The following TBL1X variants were observed in gnomAD, a reference collection of about 807,000 sequenced individuals.
TBL1X encodes the protein transducin beta like 1 X-linked, also known as F-box-like/WD repeat-containing protein TBL1X.
Under a neutral mutation model 50.7 loss-of-function variants are expected in TBL1X, and 10 were observed. The ratio of observed to expected loss-of-function variants is 0.20; its 90% CI spans 0.12 to 0.33. The LOEUF is 0.33. TBL1X is among the 10% of genes least tolerant of loss of function. TBL1X has a pLI of 1.00. For missense variants in TBL1X, 340 were observed against 504.4 expected, an observed-to-expected ratio of 0.67 and a Z score of 3.12; for synonymous variants, 190 against 214.7, an observed-to-expected ratio of 0.88 and a Z score of 1.01.
chrX:9,575,161 T>C (rs1263988806), intron 2 of TBL1X, among the ~76,000 whole-genome samples: 1 of 108,979 alleles, frequency 9.2e-6, no homozygotes, highest in Non-Finnish European at 1.9e-5. Context: ...GGAGAGAGAG[T>C]GAGAGGGGAA....
At chrX:9,707,283 A>G (rs2083214350) in intron 13 of TBL1X, among the ~76,000 whole-genome samples, 1 of 111,510 alleles carries the variant, frequency 9.0e-6, no homozygotes, top group Admixed American at 9.5e-5. Context: ...CTTTTAGAGC[A>G]CAGGCACCTA....
chrX:9,550,212 G>C (rs1167330082), intron 2 of TBL1X, among the ~76,000 whole-genome samples: 2 of 107,701 alleles, frequency 1.9e-5, no homozygotes, highest in Admixed American at 9.7e-5. Context: ...GGGGGTGTAG[G>C]GGGTGGGGAG....
chrX:9,647,380 T>C (rs1338328900), intron 3 of TBL1X, among the ~76,000 whole-genome samples: 1 of 112,302 alleles, frequency 8.9e-6, no homozygotes, highest in Non-Finnish European at 1.9e-5. Context: ...TGTTGTGGCT[T>C]TAACCCAAAG....
intron 2 of TBL1X, among the ~76,000 whole-genome samples, chrX:9,544,801 G>A (rs2082233449): frequency 9.1e-6 from 1 of 110,311 alleles, no homozygotes; most frequent in Admixed American, 9.7e-5. Context: ...CTTGACCTCA[G>A]GTGATCCACC....
intron 2 of TBL1X, among the ~76,000 whole-genome samples, chrX:9,609,486 G>A (rs922094036): frequency 2.7e-5 from 3 of 109,170 alleles, no homozygotes; most frequent in East Asian, 2.9e-4. Context: ...CCTTCTCCAG[G>A]AAGCATTTGA....
At chrX:9,671,784 C>G in intron 5 of TBL1X, among the ~76,000 whole-genome samples, 1 of 112,258 alleles carries the variant, frequency 8.9e-6, no homozygotes, top group South Asian at 3.7e-4. Flanking sequence ...AATTACCAAC[C>G]CTCTCATAAC....
chrX:9,544,775 A>G (rs1031692041), intron 2 of TBL1X, among the ~76,000 whole-genome samples: 3 of 109,894 alleles, frequency 2.7e-5, no homozygotes, highest in Non-Finnish European at 5.7e-5. Context: ...CGTGTTGGTC[A>G]GGCTGGTCTT....
rs753211315 is a variant in TBL1X at position 9,506,699 on chromosome X, A to C, written c.-131+4850A>C. Among the ~76,000 whole-genome samples the C allele has an allele frequency of 2.2e-4, 25 of 112,080 alleles. No homozygotes were observed. The Admixed American group carries it at 2.3e-3, about 10-fold the overall frequency. ...TTAGAAAATCTAGAAGAAATGAATA[A>C]ATTCCTGCACGCATACACCCTACCA... On this transcript the variant is annotated intron_variant, in intron 2 of 17. Transcript: ENST00000645353.
intron 12 of TBL1X, among the ~76,000 whole-genome samples, chrX:9,697,744 C>T (rs989930417): frequency 1.8e-5 from 2 of 111,420 alleles, no homozygotes; most frequent in Non-Finnish European, 1.9e-5. Flanking sequence ...GCACTCCATC[C>T]TGGGCGACAG....
At chrX:9,491,330 ATATATATATTTTT>A (rs1260393082) in intron 1 of TBL1X, among the ~76,000 whole-genome samples, 3 of 22,733 alleles carry the variant, frequency 1.3e-4, no homozygotes, top group South Asian at 1.4e-3. Flanking sequence ...ATATATATAT[ATATATATATTTTT>A]TTTTTTTTTT....
intron 2 of TBL1X, among the ~76,000 whole-genome samples, chrX:9,550,284 T>C (rs1453121074): frequency 8.9e-6 from 1 of 111,932 alleles, no homozygotes; most frequent in African/African-American, 3.3e-5. Context: ...AAGGATAAAA[T>C]AAGAGCTTTA....
chrX:9,483,673 C>G (rs749465190), intron 1 of TBL1X, among the ~76,000 whole-genome samples: 8 of 111,641 alleles, frequency 7.2e-5, no homozygotes, highest in African/African-American at 2.6e-4. Context: ...GTGCTCTGAA[C>G]AAACTCCTAT....
intron 6 of TBL1X, among the ~76,000 whole-genome samples, chrX:9,684,401 A>G (rs769310429): frequency 9.1e-6 from 1 of 109,870 alleles, no homozygotes; most frequent in South Asian, 4.0e-4. Context: ...CCTGGACAAC[A>G]TGGTGTAACA....
intron 2 of TBL1X, among the ~76,000 whole-genome samples, chrX:9,618,450 T>A: frequency 9.0e-6 from 1 of 111,490 alleles, no homozygotes; most frequent in Non-Finnish European, 1.9e-5. Context: ...CCGAGACGGG[T>A]GGATCACATG....
At chrX:9,543,825 C>T (rs2082227626) in intron 2 of TBL1X, among the ~76,000 whole-genome samples, 1 of 111,840 alleles carries the variant, frequency 8.9e-6, no homozygotes, top group Non-Finnish European at 1.9e-5. Flanking sequence ...CCCCTTAACG[C>T]AGCCAAGAAA....
rs1202656073 is a variant in TBL1X, at chrX:9,719,020, C to A, written c.*2774C>A. 8.9e-6 allele frequency: 1 copy of A among 112,604 alleles called. No individual in the cohort carries two copies. The highest frequency in any genetic ancestry group is 1.9e-5 in the Non-Finnish European group (1 of 53,305). The allele number at this position is 112,604 out of a possible 1,213,427, so 9.3% of individuals were successfully genotyped here. ...GCTGCTGGCATGTTGGTAGAGTCAT[C>A]CCTGTAATCAAGAAATGGCCTGTGG... On this transcript the variant is annotated 3_prime_UTR_variant, in exon 18 of 18. Transcript: ENST00000645353.
intron 1 of TBL1X, among the ~76,000 whole-genome samples, chrX:9,501,399 G>T (rs1163717937): frequency 2.7e-5 from 3 of 112,171 alleles, no homozygotes; most frequent in African/African-American, 9.7e-5. Flanking sequence ...AGCACCTTGT[G>T]GCACGGGGCT....
In TBL1X at chrX:9,682,591, C is replaced by T. The variant is rs2083031880; in HGVS notation, c.212-1452C>T. On this transcript the variant is annotated intron_variant, in intron 5 of 17. Transcript: ENST00000645353. ...GAGAGCACAGCGCAGAGCTCGTCTC[C>T]TGGAGGAACATTCCCATCTGGTGAG... is the stretch of plus-strand genomic sequence containing the variant. 2.7e-5 allele frequency among the ~76,000 whole-genome samples: 3 copies of T among 111,943 alleles called. No homozygotes were observed. The South Asian group carries it at 1.1e-3, about 42-fold the overall frequency.
intron 12 of TBL1X, among the ~76,000 whole-genome samples, chrX:9,698,509 T>C (rs1240830564): frequency 8.9e-6 from 1 of 112,065 alleles, no homozygotes; most frequent in Non-Finnish European, 1.9e-5. Flanking sequence ...AGGAATAAGT[T>C]GTAACTATGC....
Sources: allele counts gnomAD v4.1 joint callset (sites outside exome capture counted in the v4.1 genomes callset), GRCh38; gene constraint gnomAD v4.1.1; transcripts MANE v1.5; gene names NCBI Gene and HGNC (gene_info 2026-07-23, HGNC 2026-07-21).